Variants in DGKB observed in about 807,000 individuals in gnomAD.
The protein encoded by DGKB is diacylglycerol kinase beta.
DGKB carries 67 observed loss-of-function variants against 114.3 expected under a neutral mutation model. The observed-to-expected ratio is 0.59, with a 90% CI of 0.48 to 0.72. DGKB has a LOEUF of 0.72. DGKB is among the 30% of genes least tolerant of loss of function. DGKB has a pLI of 0.00. For synonymous variants in DGKB, 398 were observed against 323.1 expected (o/e 1.23, Z -2.49); for missense variants, 907 against 975.2 (o/e 0.93, Z 0.93).
intron 13 of DGKB, among the ~76,000 whole-genome samples, chr7:14,641,954 G>C (rs939740334): frequency 1.5e-4 from 23 of 152,092 alleles, no homozygotes; most frequent in African/African-American, 5.5e-4. Flanking sequence ...TTTTCATTCA[G>C]TTTAATTTTC....
At chr7:14,747,634 CTTT>C (rs886284228) in intron 4 of DGKB, among the ~76,000 whole-genome samples, 1 of 152,048 alleles carries the variant, frequency 6.6e-6, no homozygotes, top group African/African-American at 2.4e-5. Flanking sequence ...ATTAGAATTG[CTTT>C]TTGAAGACTG....
At chr7:14,648,897 A>G (rs1468680818) in intron 13 of DGKB, among the ~76,000 whole-genome samples, 3 of 130,882 alleles carry the variant, frequency 2.3e-5, no homozygotes, top group African/African-American at 5.7e-5. Flanking sequence ...GGGTATCAGC[A>G]ATGGAAGATG....
intron 21 of DGKB, among the ~76,000 whole-genome samples, chr7:14,463,606 G>A (rs1833405184): frequency 6.6e-6 from 1 of 152,058 alleles, no homozygotes; most frequent in Admixed American, 6.6e-5. Flanking sequence ...TGGTTGGAAT[G>A]GTGTTAAACT....
At chr7:14,566,714 T>G (rs952250051) in intron 20 of DGKB, among the ~76,000 whole-genome samples, 14 of 152,096 alleles carry the variant, frequency 9.2e-5, no homozygotes, top group Admixed American at 9.2e-4. Flanking sequence ...TCACTCCCCC[T>G]ATCCCTCTCC....
chr7:14,716,852 C>G (rs1828274696), intron 6 of DGKB, among the ~76,000 whole-genome samples: 1 of 152,014 alleles, frequency 6.6e-6, no homozygotes, highest in Non-Finnish European at 1.5e-5. Context: ...CCTACGGCAT[C>G]ATGTATTTTG....
intron 23 of DGKB, among the ~76,000 whole-genome samples, chr7:14,318,692 C>T (rs906042039): frequency 6.6e-6 from 1 of 152,048 alleles, no homozygotes; most frequent in Non-Finnish European, 1.5e-5. Flanking sequence ...GTTGGTGGGA[C>T]TGTAAACTAG....
chr7:14,854,723 C>T (rs1349068459), intron 1 of DGKB, among the ~76,000 whole-genome samples: 1 of 152,118 alleles, frequency 6.6e-6, no homozygotes, highest in African/African-American at 2.4e-5. Flanking sequence ...GGCCTGTGGG[C>T]TGGGGACCCC....
chr7:14,832,395 T>C (rs1846543636), intron 2 of DGKB, among the ~76,000 whole-genome samples: 1 of 152,084 alleles, frequency 6.6e-6, no homozygotes, highest in South Asian at 2.1e-4. Flanking sequence ...AAAATCCCTC[T>C]ATTTACACTG....
At chr7:14,687,033 C>T (rs1821820491) in intron 9 of DGKB, among the ~76,000 whole-genome samples, 1 of 152,090 alleles carries the variant, frequency 6.6e-6, no homozygotes, top group Non-Finnish European at 1.5e-5. Context: ...TTGTTTCCTA[C>T]ACATTATAAT....
At chr7:14,442,145 T>C (rs182035) in intron 21 of DGKB, among the ~76,000 whole-genome samples, 125,077 of 151,856 alleles carry the variant, frequency 0.82, 52,242 homozygotes, top group Non-Finnish European at 0.91. Flanking sequence ...CTAAAATTGC[T>C]TTTGAAAATA....
At chr7:14,183,498 T>A (rs1782942004) in intron 23 of DGKB, among the ~76,000 whole-genome samples, 1 of 152,218 alleles carries the variant, frequency 6.6e-6, no homozygotes, top group South Asian at 2.1e-4. Flanking sequence ...ATTGTAGGTC[T>A]ATTAATAAAG....
chr7:14,605,342 A>ATATATATATTTCATATATATATAC (rs1804284436), intron 17 of DGKB, among the ~76,000 whole-genome samples: 1 of 147,232 alleles, frequency 6.8e-6, no homozygotes, highest in African/African-American at 2.5e-5. Flanking sequence ...CCTATATTTC[A>ATATATATATTTCATATATATATAC]TATATATATT....
intron 13 of DGKB, among the ~76,000 whole-genome samples, chr7:14,634,681 C>G (rs1273376331): frequency 6.6e-6 from 1 of 151,496 alleles, no homozygotes; most frequent in Non-Finnish European, 1.5e-5. Flanking sequence ...GAAAAATTGT[C>G]TTCATAAAAT....
At chr7:14,639,735 C>A (rs745381756) in intron 13 of DGKB, among the ~76,000 whole-genome samples, 69 of 152,176 alleles carry the variant, frequency 4.5e-4, no homozygotes, top group Admixed American at 1.6e-3. Flanking sequence ...TGCCTCCCTC[C>A]CTTCATTATA....
chr7:14,548,303 C>G (rs1345845014), intron 20 of DGKB, among the ~76,000 whole-genome samples: 2 of 152,178 alleles, frequency 1.3e-5, no homozygotes, highest in East Asian at 3.8e-4. Context: ...AATAGACCAA[C>G]AGGTGCAACT....
At chr7:14,377,610 C>T (rs182392193) in intron 21 of DGKB, among the ~76,000 whole-genome samples, 1 of 152,274 alleles carries the variant, frequency 6.6e-6, no homozygotes, top group Non-Finnish European at 1.5e-5. Context: ...GTACTTGTAA[C>T]TTGGTAACAA....
At chr7:14,306,497 T>C (rs1585040987) in intron 23 of DGKB, among the ~76,000 whole-genome samples, 2 of 152,124 alleles carry the variant, frequency 1.3e-5, no homozygotes, top group East Asian at 3.9e-4. Flanking sequence ...TATTAGCCAT[T>C]AAATGGTTAT....
chr7:14,448,598 C>T (rs6950297), intron 21 of DGKB, among the ~76,000 whole-genome samples: 3,611 of 152,156 alleles, frequency 0.024, 161 homozygotes, highest in African/African-American at 0.081. Context: ...AAGTTAAACA[C>T]TTACAAATGC....
intron 20 of DGKB, among the ~76,000 whole-genome samples, chr7:14,494,623 G>A (rs6943504): frequency 0.07 from 10,633 of 151,694 alleles, 997 homozygotes; most frequent in African/African-American, 0.22. Flanking sequence ...AAATATTATG[G>A]GACACCTTGT....
Sources: gnomAD v4.1 joint callset for allele counts (sites outside exome capture counted in the v4.1 genomes callset) on GRCh38, gnomAD v4.1.1 for gene constraint, MANE v1.5 for transcripts, NCBI Gene and HGNC (gene_info 2026-07-23, HGNC 2026-07-21) for gene names.